The following RAB15 variants were observed in gnomAD, a reference collection of about 807,000 sequenced individuals.
RAB15 encodes the protein RAB15, member RAS oncogene family.
A neutral mutation model predicts 31.8 loss-of-function variants in RAB15; 13 were observed. The ratio of observed to expected loss-of-function variants is 0.41; its 90% confidence interval spans 0.27 to 0.65. The LOEUF is 0.65. RAB15 is among the 30% of genes least tolerant of loss of function. The pLI is 0.32. For missense variants in RAB15, 220 were observed against 277.3 expected (o/e 0.79, Z 1.47); for synonymous variants, 100 against 105.6 (o/e 0.95, Z 0.33).
In RAB15 at chr14:64,951,250, C is replaced by A; in HGVS notation, c.247-99G>T. 2.1e-6 allele frequency: 2 copies of A among 932,382 alleles called. No homozygotes were observed. Among genetic ancestry groups the A allele is most frequent in the Admixed American group, 2.1e-5 (1 of 48,726 alleles). 57.8% of individuals were successfully genotyped at this position (932,382 alleles called of 1,614,324 possible). On this transcript the variant is annotated intron_variant, in intron 3 of 6. Transcript: ENST00000533601. The surrounding 1 kb of genome is among the most constrained non-coding windows in gnomAD (Gnocchi z 7.2). Reference sequence around the variant, plus strand: ...AAACTTAAAGGTTGGGTCCCACTCTCCCATTCTCCCTGCTCAGCATCCAGA... The same window carrying A: ...AAACTTAAAGGTTGGGTCCCACTCTACCATTCTCCCTGCTCAGCATCCAGA...
chr14:64,948,222 G>T lies in RAB15; in HGVS notation c.*132C>A. On this transcript the variant is annotated 3_prime_UTR_variant, in exon 7 of 7. Transcript: ENST00000533601. The surrounding 1 kb of genome is among the most constrained non-coding windows in gnomAD (Gnocchi z 7.0). The stretch of plus-strand genomic sequence containing the variant: ...AGCCGCTCTCAGGGCCAGGCAGGGG[G>T]AGTAGTGGCTACTGATACTCAATAG... The T allele has an allele frequency of 1.1e-6, 1 of 931,092 alleles. No homozygotes were observed. Among genetic ancestry groups the T allele is most frequent in the Non-Finnish European group, 1.5e-6 (1 of 660,262 alleles). 57.7% of individuals were successfully genotyped at this position (931,092 alleles called of 1,614,324 possible).
At position 64,962,183 on chromosome 14, in the gene RAB15, C is replaced by T. The variant is rs528703517; in HGVS notation, c.125-9612G>A. ...TGAGCCAAGATTGTGCCACTGCACT[C>T]CAGCCTGGGGGATACAGTGAGACTC... On this transcript the variant is annotated intron_variant, in intron 1 of 6. Transcript: ENST00000533601. This position sits in a 1 kb window ranked among gnomAD's most constrained non-coding sequence, Gnocchi z 4.2. Among the ~76,000 whole-genome samples, 1 of 152,176 alleles carries T rather than the reference C, an allele frequency of 6.6e-6. No homozygotes were observed. The highest frequency in any genetic ancestry group is 2.4e-5 in the African/African-American group (1 of 41,444).
In RAB15 at chr14:64,950,174, G is replaced by A. The variant is rs535215412; in HGVS notation, c.414+151C>T. The A allele has an allele frequency of 1.3e-3, 951 of 710,122 alleles. 4 individuals are homozygous for A. The highest frequency in any genetic ancestry group is 2.1e-3 in the Non-Finnish European group (848 of 395,950). The allele number at this position is 710,122 out of a possible 1,614,324, so 44.0% of individuals were successfully genotyped here. On this transcript the variant is annotated intron_variant, in intron 5 of 6. Transcript: ENST00000533601. This position sits in a 1 kb window ranked among gnomAD's most constrained non-coding sequence, Gnocchi z 5.6. ...CTGAAACCCAGACAACAAGCCTTCC[G>A]AGGATGGCCACTCCCCCAGGGCCTT...
At position 64,945,819 on chromosome 14, in the gene RAB15, T is replaced by G. The variant is rs1007483746; in HGVS notation, c.*2535A>C. 6 of 152,586 alleles carry G rather than the reference T, an allele frequency of 3.9e-5. No individual in the cohort carries two copies. The highest frequency in any genetic ancestry group is 1.4e-4 in the African/African-American group (6 of 41,422). 9.5% of individuals were successfully genotyped at this position (152,586 alleles called of 1,614,324 possible). A position where few individuals can be genotyped will look rare whatever the true frequency, so the allele number is the denominator to read the frequency against. On this transcript the variant is annotated 3_prime_UTR_variant, in exon 7 of 7. Transcript: ENST00000533601. ...CTCATCCAGGCAGCCACACCGGTGG[T>G]TTGAAATAATCTTTATTTTGTAAAC... is the stretch of plus-strand genomic sequence containing the variant.
Position 64,948,198 on chromosome 14 carries a change from G to A in RAB15, c.*156C>T, listed in dbSNP as rs2139960521. The A allele has an allele frequency of 1.3e-6, 1 of 762,122 alleles. No individual in the cohort carries two copies. The highest frequency in any genetic ancestry group is 2.0e-6 in the Non-Finnish European group (1 of 505,046). 47.2% of individuals were successfully genotyped at this position (762,122 alleles called of 1,614,324 possible). On this transcript the variant is annotated 3_prime_UTR_variant, in exon 7 of 7. Transcript: ENST00000533601. This position sits in a 1 kb window ranked among gnomAD's most constrained non-coding sequence, Gnocchi z 7.0. ...AGGGGCTGCTTGAGATGACAGCAGA[G>A]CCGCTCTCAGGGCCAGGCAGGGGGA... is the stretch of plus-strand genomic sequence containing the variant.
rs1277168864 is a variant in RAB15 at position 64,953,927 on chromosome 14, C to G, written c.125-1356G>C. 1 of 985,312 alleles carries G rather than the reference C, an allele frequency of 1.0e-6. No homozygotes were observed. The highest frequency in any genetic ancestry group is 1.2e-6 in the Non-Finnish European group (1 of 829,938). 61.0% of individuals were successfully genotyped at this position (985,312 alleles called of 1,614,324 possible). ...GAAGGCCTGAAGGCACCAGCATCCCCATCACCACTGCCACTCCACCTCCGC... is the reference window on the plus strand; with the variant it reads ...GAAGGCCTGAAGGCACCAGCATCCCGATCACCACTGCCACTCCACCTCCGC... On this transcript the variant is annotated intron_variant, in intron 1 of 6. Transcript: ENST00000533601. The surrounding 1 kb of genome is among the most constrained non-coding windows in gnomAD (Gnocchi z 4.6).
In RAB15 at chr14:64,952,786, C is replaced by T. The variant is rs1886333296; in HGVS notation, c.125-215G>A. Among the ~76,000 whole-genome samples the T allele has an allele frequency of 6.6e-6, 1 of 152,178 alleles. No individual in the cohort carries two copies. The highest frequency in any genetic ancestry group is 1.5e-5 in the Non-Finnish European group (1 of 68,024). ...TCCCTCCCTGAGCTGAAAGTTGCCA[C>T]AAGTAAAGGCCCTGGGGGACCCAGA... On this transcript the variant is annotated intron_variant, in intron 1 of 6. Transcript: ENST00000533601. The surrounding 1 kb of genome is among the most constrained non-coding windows in gnomAD (Gnocchi z 4.2).
intron 1 of RAB15, among the ~76,000 whole-genome samples, chr14:64,957,018 G>A (rs928222746): frequency 6.6e-6 from 1 of 150,848 alleles, no homozygotes; most frequent in South Asian, 2.1e-4. Flanking sequence ...CTGCAGCCTC[G>A]ATCCTCCAGG....
At chr14:64,961,941 G>A (rs976549490) in intron 1 of RAB15, among the ~76,000 whole-genome samples, 2 of 150,628 alleles carry the variant, frequency 1.3e-5, no homozygotes, top group African/African-American at 2.4e-5. Flanking sequence ...CAGGCCGGGC[G>A]TGGTGGCTCA....
In RAB15 at chr14:64,954,189, A is replaced by G; in HGVS notation, c.125-1618T>C. On this transcript the variant is annotated intron_variant, in intron 1 of 6. Transcript: ENST00000533601. The surrounding 1 kb of genome is among the most constrained non-coding windows in gnomAD (Gnocchi z 4.3). ...TATCCATTGAGCTGTACTTTTCCAAATGGGCAATGCCTGGCAGCCATTCTT... is the reference window on the plus strand; with the variant it reads ...TATCCATTGAGCTGTACTTTTCCAAGTGGGCAATGCCTGGCAGCCATTCTT... The G allele has an allele frequency of 1.0e-6, 1 of 985,404 alleles. No individual in the cohort carries two copies. Among genetic ancestry groups the G allele is most frequent in the Non-Finnish European group, 1.2e-6 (1 of 829,926 alleles). The allele number at this position is 985,404 out of a possible 1,614,324, so 61.0% of individuals were successfully genotyped here. A position where few individuals can be genotyped will look rare whatever the true frequency, so the allele number is the denominator to read the frequency against.
In RAB15 at chr14:64,964,570, TTTTTTGTTTTTA is replaced by T. The variant is rs1386216204; in HGVS notation, c.124+7371_124+7382del. Among the ~76,000 whole-genome samples, 7 of 151,974 alleles carry T rather than the reference TTTTTTGTTTTTA, an allele frequency of 4.6e-5. No individual in the cohort carries two copies. In the East Asian group the frequency reaches 1.2e-3, roughly 25 times the overall value. On this transcript the variant is annotated intron_variant, in intron 1 of 6. Coordinates refer to ENST00000533601, the MANE Select transcript of RAB15 (RefSeq NM_001308154.2). ...AGAAAGAAAAGAAAACAAACCACTT[TTTTTTGTTTTTA>T]TTTTTGTTTTTGAGATGGAGTCTTG...
Position 64,948,691 on chromosome 14 carries a change from A to T in RAB15, c.457T>A (p.Cys153Ser), listed in dbSNP as rs2139961933. ...ACCTCTTTAATGTTGAGGTTGGTGC[A>T]GGCACTTGTTTCATAGAAGTCCATG... is the stretch of plus-strand genomic sequence containing the variant. ...YGMDFYETSA[C>S]TNLNIKESFT... The change falls in exon 6 of 7, where the codon TGC becomes AGC. Residue 153 changes from cysteine (C) to serine (S), a missense_variant. Physicochemically the swap from Cys to Ser is moderately radical, Grantham distance 112. Coordinates refer to ENST00000533601, the MANE Select transcript of RAB15 (RefSeq NM_001308154.2). The surrounding 1 kb of genome is among the most constrained non-coding windows in gnomAD (Gnocchi z 7.0). 2 of 1,614,146 alleles carry T rather than the reference A, an allele frequency of 1.2e-6. No individual in the cohort carries two copies. Among genetic ancestry groups the T allele is most frequent in the East Asian group, 4.5e-5 (2 of 44,884 alleles).
Position 64,971,939 on chromosome 14 carries a change from C to T in RAB15, c.124+14G>A, listed in dbSNP as rs1887448237. ...GGCGGGGAGGGAGGGGCGCCCCGGG[C>T]CACCGCCCCTTACCGATGGTGGAGA... On this transcript the variant is annotated intron_variant, in intron 1 of 6. Transcript: ENST00000533601. This position sits in a 1 kb window ranked among gnomAD's most constrained non-coding sequence, Gnocchi z 4.1. 1.9e-6 allele frequency: 3 copies of T among 1,555,378 alleles called. No individual in the cohort carries two copies. The highest frequency in any genetic ancestry group is 1.9e-5 in the Admixed American group (1 of 51,812).
chr14:64,960,543 C>T (rs951619174), intron 1 of RAB15, among the ~76,000 whole-genome samples: 2 of 152,206 alleles, frequency 1.3e-5, no homozygotes. Flanking sequence ...GTTAGCCTAT[C>T]TTTGCCTCAG....
chr14:64,963,187 C>T (rs979780674), intron 1 of RAB15, among the ~76,000 whole-genome samples: 1 of 142,486 alleles, frequency 7.0e-6, no homozygotes, highest in Non-Finnish European at 1.5e-5. Context: ...GGTACGATCT[C>T]GGCTCACTGC....
At chr14:64,963,776 A>T (rs1469141929) in intron 1 of RAB15, among the ~76,000 whole-genome samples, 1 of 152,146 alleles carries the variant, frequency 6.6e-6, no homozygotes, top group Non-Finnish European at 1.5e-5. Flanking sequence ...TAGCAGCCCC[A>T]CTGGAGGTGT....
Position 64,953,764 on chromosome 14 carries a change from G to C in RAB15, c.125-1193C>G. 2.0e-6 allele frequency: 2 copies of C among 983,978 alleles called. No homozygotes were observed. Among genetic ancestry groups the C allele is most frequent in the Non-Finnish European group, 2.4e-6 (2 of 828,632 alleles). The allele number at this position is 983,978 out of a possible 1,614,324, so 61.0% of individuals were successfully genotyped here. ...CTATGCCCAGGGATTCAAGAGCTAC[G>C]TCTGGTGGGTTAATTAAGCTTACGT... On this transcript the variant is annotated intron_variant, in intron 1 of 6. Transcript: ENST00000533601. This position sits in a 1 kb window ranked among gnomAD's most constrained non-coding sequence, Gnocchi z 4.6.
intron 1 of RAB15, among the ~76,000 whole-genome samples, chr14:64,965,292 T>C (rs1354233188): frequency 2.0e-5 from 3 of 151,936 alleles, no homozygotes; most frequent in Non-Finnish European, 4.4e-5. Flanking sequence ...ACCCCATCTC[T>C]ACTAAAAACA....
Position 64,955,237 on chromosome 14 carries a change from C to T in RAB15, c.125-2666G>A, listed in dbSNP as rs1886481073. Among the ~76,000 whole-genome samples, 1 of 152,160 alleles carries T rather than the reference C, an allele frequency of 6.6e-6. No individual in the cohort carries two copies. The highest frequency in any genetic ancestry group is 2.4e-5 in the African/African-American group (1 of 41,420). ...TCTTCTGAAGGATTTTCCTTCCTCC[C>T]TCCCCGCCCACACAACCTCTCTTAA... On this transcript the variant is annotated intron_variant, in intron 1 of 6. Transcript: ENST00000533601. The surrounding 1 kb of genome is among the most constrained non-coding windows in gnomAD (Gnocchi z 4.4).
Sources: allele counts gnomAD v4.1 joint callset (sites outside exome capture counted in the v4.1 genomes callset), GRCh38; gene constraint gnomAD v4.1.1; non-coding constraint Gnocchi (gnomAD v3.1); transcripts MANE v1.5; gene names NCBI Gene and HGNC (gene_info 2026-07-23, HGNC 2026-07-21).